The following IPMK variants were observed in gnomAD, a reference collection of about 807,000 sequenced individuals.
The protein encoded by IPMK is inositol polyphosphate multikinase.
Under a neutral mutation model 45.8 loss-of-function variants are expected in IPMK, and 17 were observed. The ratio of observed to expected loss-of-function variants is 0.37; its 90% CI spans 0.25 to 0.56. The LOEUF is 0.56. IPMK is among the 20% of genes least tolerant of loss of function. IPMK has a pLI of 0.79. For missense variants in IPMK, 399 were observed against 498.0 expected (o/e 0.80, Z 1.89); for synonymous variants, 180 against 184.3 (o/e 0.98, Z 0.19).
chr10:58,251,947 T>C (rs1838886296), intron 1 of IPMK, among the ~76,000 whole-genome samples: 1 of 152,234 alleles, frequency 6.6e-6, no homozygotes, highest in Admixed American at 6.5e-5. Flanking sequence ...ACTCTATGTC[T>C]TTTAACTGGG....
At chr10:58,211,901 CA>C (rs753050298) in intron 4 of IPMK, among the ~76,000 whole-genome samples, 612 of 50,360 alleles carry the variant, frequency 0.012, 8 homozygotes, top group African/African-American at 0.036. Flanking sequence ...GACATCTCAC[CA>C]AAAAAAAAAA....
intron 3 of IPMK, among the ~76,000 whole-genome samples, chr10:58,225,915 A>G (rs2132158449): frequency 6.6e-6 from 1 of 152,308 alleles, no homozygotes; most frequent in African/African-American, 2.4e-5. Context: ...AATGACTTGT[A>G]AACTAATTTA....
At chr10:58,267,012 T>C (rs1839157177) in intron 1 of IPMK, among the ~76,000 whole-genome samples, 1 of 152,220 alleles carries the variant, frequency 6.6e-6, no homozygotes, top group Admixed American at 6.5e-5. Context: ...ATTAGCATCA[T>C]CTGCATTTCA....
At chr10:58,243,639 G>C (rs1838733390) in intron 1 of IPMK, among the ~76,000 whole-genome samples, 1 of 152,234 alleles carries the variant, frequency 6.6e-6, no homozygotes, top group South Asian at 2.1e-4. Flanking sequence ...CGAGGTGCTG[G>C]GATTGCAGAC....
At chr10:58,221,298 T>G (rs560980139) in intron 3 of IPMK, among the ~76,000 whole-genome samples, 1 of 151,990 alleles carries the variant, frequency 6.6e-6, no homozygotes, top group East Asian at 1.9e-4. Context: ...TCTCCTCACT[T>G]TTCCATCCTC....
chr10:58,244,351 C>G (rs1317396541), intron 1 of IPMK, among the ~76,000 whole-genome samples: 2 of 150,690 alleles, frequency 1.3e-5, no homozygotes, highest in African/African-American at 2.4e-5. Context: ...CTCTGCCCGG[C>G]CGCCCCCTCT....
intron 2 of IPMK, among the ~76,000 whole-genome samples, chr10:58,234,346 C>T (rs1196457849): frequency 1.3e-5 from 2 of 152,156 alleles, no homozygotes; most frequent in East Asian, 3.9e-4. Flanking sequence ...AAAAAGAGCC[C>T]CCATTGCTAA....
intron 4 of IPMK, among the ~76,000 whole-genome samples, chr10:58,202,281 C>G (rs919390152): frequency 6.6e-6 from 1 of 152,132 alleles, no homozygotes; most frequent in Non-Finnish European, 1.5e-5. Context: ...CTGGCTTCAA[C>G]GCTTCAAAGG....
intron 4 of IPMK, among the ~76,000 whole-genome samples, chr10:58,204,819 A>G (rs1838048819): frequency 6.6e-6 from 1 of 152,210 alleles, no homozygotes; most frequent in Admixed American, 6.5e-5. Context: ...ATAAAATTTA[A>G]AAAAGAACAA....
intron 5 of IPMK, among the ~76,000 whole-genome samples, chr10:58,197,302 A>AATAAATAC (rs57394763): frequency 6.9e-6 from 1 of 144,214 alleles, no homozygotes. Context: ...CCGTCTCAAA[A>AATAAATAC]ATAAATAAAT....
At chr10:58,266,597 C>A (rs1483184959) in intron 1 of IPMK, among the ~76,000 whole-genome samples, 2 of 152,140 alleles carry the variant, frequency 1.3e-5, no homozygotes, top group African/African-American at 4.8e-5. Flanking sequence ...ATCCACAATA[C>A]TCACATACTC....
chr10:58,196,792 C>A, intron 5 of IPMK, 94 bp from the exon 6 acceptor site: 1 of 878,014 alleles, frequency 1.1e-6, no homozygotes, highest in East Asian at 2.6e-5. Context: ...ATATTTTCCC[C>A]ATCATCCCTT....
Position 58,237,711 on chromosome 10 carries a change from A to G in IPMK, c.276+18T>C, listed in dbSNP as rs558400935. ...AAAAACACTTTGAAGACAACAAAAC[A>G]AATCTTACCTCACTTACCATATTAT... On this transcript the variant is annotated intron_variant, in intron 2 of 5. Coordinates refer to ENST00000373935, the MANE Select transcript of IPMK (RefSeq NM_152230.5). 70 of 1,587,342 alleles carry G rather than the reference A, an allele frequency of 4.4e-5. No homozygotes were observed. The South Asian group carries it at 7.1e-4, about 16-fold the overall frequency.
chr10:58,228,448 T>C (rs1838454667), intron 2 of IPMK, among the ~76,000 whole-genome samples: 1 of 152,266 alleles, frequency 6.6e-6, no homozygotes, highest in African/African-American at 2.4e-5. Flanking sequence ...TTTTCTCTTC[T>C]TATTTAGAAT....
At chr10:58,260,030 G>A (rs1839039212) in intron 1 of IPMK, among the ~76,000 whole-genome samples, 1 of 152,046 alleles carries the variant, frequency 6.6e-6, no homozygotes, top group Non-Finnish European at 1.5e-5. Context: ...ACTTTCCTGT[G>A]GAAAAACCTG....
intron 2 of IPMK, among the ~76,000 whole-genome samples, chr10:58,227,877 T>C (rs556371245): frequency 2.0e-5 from 3 of 152,300 alleles, no homozygotes; most frequent in African/African-American, 7.2e-5. Flanking sequence ...CTAAATATTC[T>C]CTACCTAATT....
At chr10:58,200,244 G>A (rs966563382) in intron 4 of IPMK, among the ~76,000 whole-genome samples, 6 of 151,972 alleles carry the variant, frequency 3.9e-5, no homozygotes, top group Admixed American at 2.0e-4. Flanking sequence ...TCAGCCTCCC[G>A]AGTACCTGGG....
At chr10:58,238,366 G>T (rs975901755) in intron 1 of IPMK, among the ~76,000 whole-genome samples, 1 of 152,196 alleles carries the variant, frequency 6.6e-6, no homozygotes. Context: ...AGTTAGGGCT[G>T]AAATCAGGCA....
At chr10:58,261,221 G>T (rs2590358) in intron 1 of IPMK, among the ~76,000 whole-genome samples, 1 of 147,672 alleles carries the variant, frequency 6.8e-6, no homozygotes, top group Non-Finnish European at 1.5e-5. Flanking sequence ...ACTAGATTTT[G>T]TATCAGAAAG....
Sources: gnomAD v4.1 joint callset for allele counts (sites outside exome capture counted in the v4.1 genomes callset) on GRCh38, gnomAD v4.1.1 for gene constraint, MANE v1.5 for transcripts, NCBI Gene and HGNC (gene_info 2026-07-23, HGNC 2026-07-21) for gene names.